Variants in SOBP observed in about 807,000 individuals in gnomAD.
The protein encoded by SOBP is sine oculis binding protein homolog.
SOBP carries 4 observed loss-of-function variants against 53.6 expected under a neutral mutation model. That is an observed-to-expected ratio of 0.07 (90% CI 0.04 to 0.17). The LOEUF (loss-of-function observed/expected upper bound fraction) is 0.17, where lower values mean the gene tolerates loss of function less well. Among genes scored for constraint, SOBP ranks in the 10% least tolerant of loss-of-function variants. The pLI is 1.00. For synonymous variants in SOBP, 584 were observed against 522.6 expected (o/e 1.12, Z -1.60); for missense variants, 1,088 against 1,204.7 (o/e 0.90, Z 1.43).
intron 3 of SOBP, among the ~76,000 whole-genome samples, chr6:107,528,223 A>C (rs1239567095): frequency 6.6e-6 from 1 of 152,230 alleles, no homozygotes; most frequent in Non-Finnish European, 1.5e-5. Flanking sequence ...AGAAACATTT[A>C]GCCAAAGAAA....
intron 5 of SOBP, among the ~76,000 whole-genome samples, chr6:107,610,189 G>T (rs1018743995): frequency 6.6e-6 from 1 of 152,134 alleles, no homozygotes; most frequent in African/African-American, 2.4e-5. Context: ...GAGTAGAAGG[G>T]GAATGAAATG....
At chr6:107,495,590 C>G (rs1279233447) in intron 1 of SOBP, among the ~76,000 whole-genome samples, 1 of 152,114 alleles carries the variant, frequency 6.6e-6, no homozygotes, top group Non-Finnish European at 1.5e-5. Flanking sequence ...CTGTGCTTGC[C>G]AAGCACTGCT....
At chr6:107,580,162 G>T (rs1357773203) in intron 4 of SOBP, among the ~76,000 whole-genome samples, 1 of 152,206 alleles carries the variant, frequency 6.6e-6, no homozygotes, top group Admixed American at 6.5e-5. Flanking sequence ...GTCCAGAGAT[G>T]GATGTTTCTG....
At chr6:107,574,308 T>C (rs1319761076) in intron 4 of SOBP, among the ~76,000 whole-genome samples, 2 of 152,182 alleles carry the variant, frequency 1.3e-5, no homozygotes, top group Non-Finnish European at 2.9e-5. Context: ...ATCATTCTTA[T>C]TCCCCTTTTA....
chr6:107,516,052 A>C (rs961667215), intron 3 of SOBP, among the ~76,000 whole-genome samples: 1 of 152,208 alleles, frequency 6.6e-6, no homozygotes, highest in Non-Finnish European at 1.5e-5. Context: ...CAAAGGAGGA[A>C]TAGAATAGAA....
At chr6:107,491,862 T>G (rs1281098952) in intron 1 of SOBP, among the ~76,000 whole-genome samples, 1 of 152,170 alleles carries the variant, frequency 6.6e-6, no homozygotes, top group Non-Finnish European at 1.5e-5. Context: ...TAAGTCAAAT[T>G]TATTGCGCTT....
At chr6:107,621,484 A>G (rs982812218) in intron 5 of SOBP, among the ~76,000 whole-genome samples, 7 of 152,200 alleles carry the variant, frequency 4.6e-5, no homozygotes, top group Non-Finnish European at 1.0e-4. Flanking sequence ...GTGGATATCC[A>G]AAGAAATCAG....
At chr6:107,582,235 C>A (rs897084591) in intron 4 of SOBP, among the ~76,000 whole-genome samples, 3 of 152,090 alleles carry the variant, frequency 2.0e-5, no homozygotes, top group African/African-American at 7.2e-5. Flanking sequence ...AGGAAGAATG[C>A]CTAGCTTGCT....
chr6:107,596,534 T>C (rs1785953363), intron 5 of SOBP, among the ~76,000 whole-genome samples: 1 of 152,196 alleles, frequency 6.6e-6, no homozygotes, highest in Admixed American at 6.5e-5. Context: ...CACTTTTCCT[T>C]GAGTGGAGCT....
At chr6:107,609,670 T>C (rs987386916) in intron 5 of SOBP, among the ~76,000 whole-genome samples, 2 of 152,046 alleles carry the variant, frequency 1.3e-5, no homozygotes, top group African/African-American at 4.8e-5. Flanking sequence ...GCAGCCCTGG[T>C]GAGGGGGTAA....
At chr6:107,629,502 A>G (rs1375098239) in intron 5 of SOBP, among the ~76,000 whole-genome samples, 1 of 152,196 alleles carries the variant, frequency 6.6e-6, no homozygotes, top group African/African-American at 2.4e-5. Context: ...GGGTAACCTC[A>G]TGGCATACTT....
chr6:107,659,511 A>C lies in SOBP; in HGVS notation c.*1308A>C, dbSNP rs1772206170. The C allele has an allele frequency of 7.0e-6, 1 of 141,984 alleles. No homozygotes were observed. The highest frequency in any genetic ancestry group is 1.5e-5 in the Non-Finnish European group (1 of 64,694). The allele number at this position is 141,984 out of a possible 1,614,324, so 8.8% of individuals were successfully genotyped here. ...AAAAGAAGAGAAAAAATTAAGAAAAAAATCAAAAAAGGAAGAAAACTAAAA... is the reference window on the plus strand; with the variant it reads ...AAAAGAAGAGAAAAAATTAAGAAAACAATCAAAAAAGGAAGAAAACTAAAA... On this transcript the variant is annotated 3_prime_UTR_variant, in exon 7 of 7. Coordinates refer to ENST00000317357, the MANE Select transcript of SOBP (RefSeq NM_018013.4).
At chr6:107,554,007 G>A (rs989638519) in intron 4 of SOBP, among the ~76,000 whole-genome samples, 3 of 152,156 alleles carry the variant, frequency 2.0e-5, no homozygotes, top group African/African-American at 7.2e-5. Context: ...AAGATGGAAG[G>A]TTTTCTGACA....
intron 6 of SOBP, among the ~76,000 whole-genome samples, chr6:107,642,942 G>A (rs994108832): frequency 6.6e-6 from 1 of 152,192 alleles, no homozygotes; most frequent in African/African-American, 2.4e-5. Context: ...TATTGAAAAT[G>A]AATGGTATTC....
chr6:107,538,998 C>T (rs1052298008), intron 4 of SOBP, among the ~76,000 whole-genome samples: 4 of 152,122 alleles, frequency 2.6e-5, no homozygotes, highest in African/African-American at 4.8e-5. Flanking sequence ...TGTTCCAAGG[C>T]AGAGGTTCTG....
intron 5 of SOBP, among the ~76,000 whole-genome samples, chr6:107,601,092 G>A (rs1020456255): frequency 2.6e-5 from 4 of 152,068 alleles, no homozygotes; most frequent in South Asian, 2.1e-4. Flanking sequence ...TTCCCCAATC[G>A]GCTCAGACTC....
chr6:107,515,753 CA>C (rs1011017567), intron 3 of SOBP, among the ~76,000 whole-genome samples: 3 of 151,516 alleles, frequency 2.0e-5, no homozygotes, highest in South Asian at 2.1e-4. Flanking sequence ...TCTCAAAAAA[CA>C]AAAAAAGAAG....
At chr6:107,572,485 G>T (rs1033063065) in intron 4 of SOBP, among the ~76,000 whole-genome samples, 1 of 152,070 alleles carries the variant, frequency 6.6e-6, no homozygotes, top group Non-Finnish European at 1.5e-5. Context: ...TGTATTTTTA[G>T]TAGAGACAGG....
chr6:107,645,820 G>C (rs758220602), intron 6 of SOBP, among the ~76,000 whole-genome samples: 7 of 152,182 alleles, frequency 4.6e-5, no homozygotes, highest in Non-Finnish European at 7.3e-5. Flanking sequence ...TGGCGATCAG[G>C]GGTGGAGAAA....
Sources: allele counts gnomAD v4.1 joint callset (sites outside exome capture counted in the v4.1 genomes callset), GRCh38; gene constraint gnomAD v4.1.1; transcripts MANE v1.5; gene names NCBI Gene and HGNC (gene_info 2026-07-23, HGNC 2026-07-21).